Variants in SOX6 observed in about 807,000 individuals in gnomAD.
SOX6 encodes the protein transcription factor SOX-6.
Under a neutral mutation model 97.8 loss-of-function variants are expected in SOX6, and 11 were observed. The observed-to-expected ratio is 0.11, with a 90% confidence interval of 0.07 to 0.19. SOX6 has a LOEUF of 0.19. Ranked by LOEUF, SOX6 falls within the 10% of genes least tolerant of loss-of-function variation. The probability of loss-of-function intolerance (pLI) is 1.00; values close to 1 mark genes in which losing one functional copy is unlikely to be tolerated. For missense variants in SOX6, 810 were observed against 1,039.5 expected, an observed-to-expected ratio of 0.78 and a Z score of 3.04; for synonymous variants, 360 against 371.4, an observed-to-expected ratio of 0.97 and a Z score of 0.35.
At chr11:15,986,785 C>T (rs936899801) in intron 14 of SOX6, among the ~76,000 whole-genome samples, 8 of 152,198 alleles carry the variant, frequency 5.3e-5, no homozygotes, top group African/African-American at 9.7e-5. Context: ...TGACAGGATT[C>T]TCAGGAAAAG....
intron 13 of SOX6, among the ~76,000 whole-genome samples, chr11:16,012,002 T>C (rs1854745075): frequency 6.6e-6 from 1 of 151,966 alleles, no homozygotes; most frequent in African/African-American, 2.4e-5. Flanking sequence ...GACCATATGT[T>C]TAAAGAGGTC....
At position 16,136,344 on chromosome 11, in the gene SOX6, GTTTTT is replaced by G. The variant is rs34244829; in HGVS notation, c.778-24426_778-24422del. On this transcript the variant is annotated intron_variant, in intron 6 of 15. Coordinates refer to ENST00000683767, the MANE Select transcript of SOX6 (RefSeq NM_001367873.1). ...AAGGTATGTACATTGTGTGTGTGTG[GTTTTT>G]TTTTTTTTTTTTTTGACATAATGCA... Among the ~76,000 whole-genome samples, 451 of 129,262 alleles carry G rather than the reference GTTTTT, an allele frequency of 3.5e-3. 1 individual carries two copies. The highest frequency in any genetic ancestry group is 0.012 in the African/African-American group (428 of 35,032). The allele number at this position is 129,262 out of a possible 152,430, so 84.8% of individuals were successfully genotyped here.
chr11:16,126,997 T>G (rs1849626676), intron 6 of SOX6, among the ~76,000 whole-genome samples: 1 of 152,118 alleles, frequency 6.6e-6, no homozygotes. Context: ...AAGTGCTATA[T>G]CACCCCCTCA....
At chr11:16,149,044 A>G (rs758497587) in intron 6 of SOX6, among the ~76,000 whole-genome samples, 35 of 152,146 alleles carry the variant, frequency 2.3e-4, no homozygotes, top group Non-Finnish European at 4.9e-4. Flanking sequence ...AAAGTTTGTC[A>G]GCTCCCTCTC....
At chr11:16,680,356 C>A (rs951619238) in intron 3 of SOX6, among the ~76,000 whole-genome samples, 1 of 152,140 alleles carries the variant, frequency 6.6e-6, no homozygotes, top group African/African-American at 2.4e-5. Context: ...TCCAGCCAAA[C>A]TAAGCTTTAT....
intron 2 of SOX6, among the ~76,000 whole-genome samples, chr11:16,735,532 C>T (rs1391261992): frequency 6.6e-6 from 1 of 152,184 alleles, no homozygotes; most frequent in African/African-American, 2.4e-5. Context: ...AAACTTGGCA[C>T]ACTTCCTGAC....
intron 6 of SOX6, among the ~76,000 whole-genome samples, chr11:16,145,268 G>A (rs980274466): frequency 6.6e-6 from 1 of 152,130 alleles, no homozygotes; most frequent in Non-Finnish European, 1.5e-5. Context: ...TATCTCAATA[G>A]ATGCAGAAAA....
intron 1 of SOX6, among the ~76,000 whole-genome samples, chr11:16,398,096 A>G (rs1022542711): frequency 5.3e-5 from 8 of 151,486 alleles, no homozygotes; most frequent in African/African-American, 1.9e-4. Context: ...ATAATCTGGG[A>G]TGCTTGCAAA....
chr11:16,191,949 A>G (rs576195293), intron 4 of SOX6, among the ~76,000 whole-genome samples: 1 of 150,542 alleles, frequency 6.6e-6, no homozygotes, highest in African/African-American at 2.4e-5. Context: ...AGTCAGGTGG[A>G]TCAGTGCTCC....
chr11:16,664,336 T>A (rs146542971), intron 3 of SOX6, among the ~76,000 whole-genome samples: 9 of 152,078 alleles, frequency 5.9e-5, no homozygotes, highest in African/African-American at 1.2e-4. Flanking sequence ...CCCTACCCCA[T>A]CCCCTGGCAC....
intron 3 of SOX6, among the ~76,000 whole-genome samples, chr11:16,693,447 T>C (rs1848031024): frequency 6.6e-6 from 1 of 152,124 alleles, no homozygotes; most frequent in South Asian, 2.1e-4. Context: ...AGTTTTTTCA[T>C]TAATATTATT....
intron 3 of SOX6, among the ~76,000 whole-genome samples, chr11:16,649,256 A>G (rs1026675516): frequency 1.3e-5 from 2 of 152,208 alleles, no homozygotes; most frequent in Non-Finnish European, 2.9e-5. Context: ...TCCAAACACA[A>G]AAAGCTCAAA....
At position 16,610,733 on chromosome 11, in the gene SOX6, G is replaced by T. The variant is rs1848386756; in HGVS notation, n.609+1348C>A. ...GAGTGACACGTGGCCCTGGGGGCGG[G>T]GGTGCCATCTAAGGGTTTCCTCTAA... On this transcript the variant is annotated intron_variant and non_coding_transcript_variant, in intron 4 of 5. Transcript: ENST00000524520. This position sits in a 1 kb window ranked among gnomAD's most constrained non-coding sequence, Gnocchi z 4.4. Among the ~76,000 whole-genome samples, 1 of 152,180 alleles carries T rather than the reference G, an allele frequency of 6.6e-6. No homozygotes were observed. The highest frequency in any genetic ancestry group is 2.4e-5 in the African/African-American group (1 of 41,434).
At chr11:16,465,142 C>A (rs575210212) in intron 1 of SOX6, among the ~76,000 whole-genome samples, 37 of 152,276 alleles carry the variant, frequency 2.4e-4, no homozygotes, top group African/African-American at 8.7e-4. Flanking sequence ...TTTTCTGACA[C>A]TCAACTCTCT....
chr11:16,594,783 C>T (rs1185844214), intron 4 of SOX6, among the ~76,000 whole-genome samples: 3 of 144,498 alleles, frequency 2.1e-5, no homozygotes, highest in Admixed American at 7.4e-5. Context: ...CTCCGCCTGC[C>T]GGGTTCACGC....
chr11:16,096,952 G>C (rs1848813208), intron 8 of SOX6, among the ~76,000 whole-genome samples: 1 of 151,800 alleles, frequency 6.6e-6, no homozygotes, highest in East Asian at 1.9e-4. Flanking sequence ...TAGTAGAAGG[G>C]TATAATGATC....
At chr11:16,222,235 T>C (rs1317422186) in intron 4 of SOX6, among the ~76,000 whole-genome samples, 1 of 152,144 alleles carries the variant, frequency 6.6e-6, no homozygotes, top group Non-Finnish European at 1.5e-5. Flanking sequence ...GTTACAGCTA[T>C]TTTTCATAAA....
At chr11:16,619,994 A>G (rs192279146) in intron 3 of SOX6, among the ~76,000 whole-genome samples, 1 of 152,296 alleles carries the variant, frequency 6.6e-6, no homozygotes, top group East Asian at 1.9e-4. Flanking sequence ...GATTATTTAC[A>G]TGAGCATTAC....
intron 4 of SOX6, among the ~76,000 whole-genome samples, chr11:16,500,403 G>C (rs142381110): frequency 0.032 from 4,922 of 152,220 alleles, 253 homozygotes; most frequent in African/African-American, 0.11. Flanking sequence ...ACTGGCACAA[G>C]ACAGGGATGC....
Sources: gnomAD v4.1 joint callset for allele counts (sites outside exome capture counted in the v4.1 genomes callset) on GRCh38, gnomAD v4.1.1 for gene constraint, Gnocchi (gnomAD v3.1) non-coding constraint, MANE v1.5 for transcripts, NCBI Gene and HGNC (gene_info 2026-07-23, HGNC 2026-07-21) for gene names.